The following RBFOX1 variants were observed in gnomAD, a reference collection of about 807,000 sequenced individuals.
RBFOX1 encodes RNA binding protein fox-1 homolog 1.
RBFOX1 carries 8 observed loss-of-function variants against 57.7 expected under a neutral mutation model. The observed-to-expected ratio is 0.14, with a 90% CI of 0.08 to 0.25. RBFOX1 has a LOEUF of 0.25. RBFOX1 is among the 10% of genes least tolerant of loss of function. The pLI, the probability that RBFOX1 is intolerant of heterozygous loss-of-function variation, is 1.00. For missense variants in RBFOX1, 611 were observed against 548.5 expected (o/e 1.11, Z -1.14); for synonymous variants, 326 against 222.4 (o/e 1.47, Z -4.15).
At chr16:5,840,800 C>G (rs537393405) in intron 3 of RBFOX1, among the ~76,000 whole-genome samples, 30 of 152,114 alleles carry the variant, frequency 2.0e-4, no homozygotes, top group Admixed American at 7.9e-4. Flanking sequence ...TCATGGAAAA[C>G]ACACAGACAA....
intron 4 of RBFOX1, among the ~76,000 whole-genome samples, chr16:7,166,588 G>A (rs1244212799): frequency 6.6e-6 from 1 of 152,112 alleles, no homozygotes; most frequent in Non-Finnish European, 1.5e-5. Flanking sequence ...CATCGGTTAT[G>A]GGCTGTGTGC....
chr16:5,819,019 C>A (rs1054948673), intron 3 of RBFOX1, among the ~76,000 whole-genome samples: 1 of 152,194 alleles, frequency 6.6e-6, no homozygotes, highest in African/African-American at 2.4e-5. Context: ...CTCCATTTCC[C>A]CCTCCTTGTC....
At position 6,632,827 on chromosome 16, in the gene RBFOX1, T is replaced by C. The variant is rs11864865; in HGVS notation, c.-63-21776T>C. 8.5e-3 allele frequency among the ~76,000 whole-genome samples: 1,292 copies of C among 152,326 alleles called. 22 individuals carry two copies. The highest frequency in any genetic ancestry group is 0.029 in the African/African-American group (1,213 of 41,582). On this transcript the variant is annotated intron_variant, in intron 2 of 15. Coordinates refer to ENST00000550418, the MANE Select transcript of RBFOX1 (RefSeq NM_018723.4). Reference sequence around the variant, plus strand: ...TTCTTTTCATTATATTTGCTATTACTGGAGCTGCTCTCTTTTCTTAAAACC... The same window carrying C: ...TTCTTTTCATTATATTTGCTATTACCGGAGCTGCTCTCTTTTCTTAAAACC...
chr16:6,317,081 T>G, intron 2 of RBFOX1, 24 bp downstream of exon 2: 1 of 1,520,118 alleles, frequency 6.6e-7, no homozygotes, highest in Non-Finnish European at 8.8e-7. Flanking sequence ...ATTTTGAACA[T>G]TCATTCCATA....
intron 1 of RBFOX1, among the ~76,000 whole-genome samples, chr16:6,173,658 G>A (rs2096979923): frequency 7.9e-6 from 1 of 127,114 alleles, no homozygotes; most frequent in Non-Finnish European, 1.6e-5. Flanking sequence ...CACTCAGGCT[G>A]GAGTGCAGTG....
chr16:7,595,199 T>C (rs2094624282), intron 7 of RBFOX1, among the ~76,000 whole-genome samples: 1 of 152,232 alleles, frequency 6.6e-6, no homozygotes, highest in South Asian at 2.1e-4. Context: ...CCTTTTCTTT[T>C]CCTCATTATT....
At chr16:5,761,803 G>A (rs189755815) in intron 3 of RBFOX1, among the ~76,000 whole-genome samples, 1 of 152,294 alleles carries the variant, frequency 6.6e-6, no homozygotes, top group East Asian at 1.9e-4. Context: ...CACATTCTCT[G>A]GGAAGACATT....
intron 3 of RBFOX1, among the ~76,000 whole-genome samples, chr16:6,883,727 A>G (rs534361057): frequency 2.6e-5 from 4 of 152,308 alleles, no homozygotes; most frequent in East Asian, 3.9e-4. Context: ...TAAGAATGAT[A>G]GAGTCCAAAA....
At chr16:6,210,469 C>A (rs1473429114) in intron 1 of RBFOX1, among the ~76,000 whole-genome samples, 1 of 151,458 alleles carries the variant, frequency 6.6e-6, no homozygotes, top group Non-Finnish European at 1.5e-5. Context: ...GTGGCTCACT[C>A]CTATAATCCC....
In RBFOX1 at chr16:7,543,413, A is replaced by G. The variant is rs1285249106; in HGVS notation, c.270+25024A>G. On this transcript the variant is annotated intron_variant, in intron 5 of 15. Coordinates refer to ENST00000550418, the MANE Select transcript of RBFOX1 (RefSeq NM_018723.4). Reference sequence around the variant, plus strand: ...AATGATCATGGAGATGCCAGCAGCTATCACTGCCAAGGACTGGGTGGGTTC... The same window carrying G: ...AATGATCATGGAGATGCCAGCAGCTGTCACTGCCAAGGACTGGGTGGGTTC... 2.6e-5 allele frequency among the ~76,000 whole-genome samples: 4 copies of G among 152,208 alleles called. 1 individual carries two copies. In the South Asian group the frequency reaches 6.2e-4, roughly 24 times the overall value.
intron 4 of RBFOX1, among the ~76,000 whole-genome samples, chr16:7,104,635 G>A (rs757851279): frequency 6.6e-5 from 10 of 152,148 alleles, no homozygotes; most frequent in Admixed American, 2.0e-4. Context: ...CTCAGCCTGG[G>A]TATTTACATC....
chr16:6,451,070 A>G (rs962870310), intron 2 of RBFOX1, among the ~76,000 whole-genome samples: 3 of 150,984 alleles, frequency 2.0e-5, no homozygotes, highest in South Asian at 2.1e-4. Flanking sequence ...TTCACCATTG[A>G]GTGTCTCAGT....
intron 4 of RBFOX1, among the ~76,000 whole-genome samples, chr16:7,082,386 G>C (rs2059335584): frequency 6.6e-6 from 1 of 151,908 alleles, no homozygotes; most frequent in African/African-American, 2.4e-5. Flanking sequence ...TTTGAGACCA[G>C]CTTGGGAAAC....
chr16:6,379,826 T>C (rs1375478701), intron 2 of RBFOX1, among the ~76,000 whole-genome samples: 1 of 151,912 alleles, frequency 6.6e-6, no homozygotes, highest in African/African-American at 2.4e-5. Flanking sequence ...AAGGGGGATA[T>C]GTTAGAGGAG....
chr16:7,464,688 C>CCTTT (rs2060176166), intron 4 of RBFOX1, among the ~76,000 whole-genome samples: 2 of 62,232 alleles, frequency 3.2e-5, no homozygotes, highest in African/African-American at 1.4e-4. Context: ...TATTGTCTGT[C>CCTTT]TTTTTTTTTT....
intron 4 of RBFOX1, among the ~76,000 whole-genome samples, chr16:7,485,856 T>G (rs1197516528): frequency 6.6e-6 from 1 of 152,236 alleles, no homozygotes; most frequent in African/African-American, 2.4e-5. Flanking sequence ...AGTGTCGGTC[T>G]GCAGGCCCAT....
At chr16:6,936,364 A>G (rs932542571) in intron 3 of RBFOX1, among the ~76,000 whole-genome samples, 26 of 152,228 alleles carry the variant, frequency 1.7e-4, no homozygotes. Context: ...CAATGAGCAT[A>G]GGCACAAACA....
chr16:7,690,488 C>T (rs748167767), intron 14 of RBFOX1, among the ~76,000 whole-genome samples: 2 of 152,040 alleles, frequency 1.3e-5, no homozygotes, highest in Non-Finnish European at 2.9e-5. Flanking sequence ...GTTTTATGAA[C>T]AACTAAGGAA....
At chr16:7,077,058 C>T (rs942360095) in intron 4 of RBFOX1, among the ~76,000 whole-genome samples, 11 of 152,194 alleles carry the variant, frequency 7.2e-5, no homozygotes, top group African/African-American at 2.4e-4. Context: ...GTGGACGAGA[C>T]CTCAGAGGTT....
Sources: allele counts gnomAD v4.1 joint callset (sites outside exome capture counted in the v4.1 genomes callset), GRCh38; gene constraint gnomAD v4.1.1; transcripts MANE v1.5; gene names NCBI Gene and HGNC (gene_info 2026-07-23, HGNC 2026-07-21).